Variants in ACSS2 observed in about 807,000 individuals in gnomAD.
ACSS2 encodes acyl-CoA synthetase short chain family member 2, also known as acetyl-coenzyme A synthetase, cytoplasmic.
Under a neutral mutation model 90.6 loss-of-function variants are expected in ACSS2, and 58 were observed. The ratio of observed to expected loss-of-function variants is 0.64; its 90% CI spans 0.52 to 0.80. The LOEUF (loss-of-function observed/expected upper bound fraction) is 0.80. ACSS2 is among the 30% of genes least tolerant of loss of function. The pLI, the probability that ACSS2 is intolerant of heterozygous loss-of-function variation, is 0.00. For missense variants in ACSS2, 759 were observed against 912.0 expected (o/e 0.83, Z 2.16); for synonymous variants, 300 against 330.9 (o/e 0.91, Z 1.01).
chr20:34,920,892 G>T, intron 9 of ACSS2, 114 bp from the exon 10 acceptor site: 2 of 1,532,164 alleles, frequency 1.3e-6, no homozygotes, highest in Admixed American at 3.5e-5. Context: ...TCTGGCCAGG[G>T]AGTGAAGATA....
In ACSS2 at chr20:34,905,172, C is replaced by T. The variant is rs148198011; in HGVS notation, c.375-7924C>T. 7.3e-3 allele frequency among the ~76,000 whole-genome samples: 1,115 copies of T among 152,216 alleles called. 17 individuals carry two copies. The highest frequency in any genetic ancestry group is 0.026 in the African/African-American group (1,076 of 41,528). On this transcript the variant is annotated intron_variant, in intron 2 of 17. Transcript: ENST00000360596. ...TCCTCAAACAGTCCTCCTGCTTTGC[C>T]CTCCCAGAGTGCTGGTATTATGGCA...
chr20:34,900,644 A>G (rs2080634959), intron 2 of ACSS2, among the ~76,000 whole-genome samples: 1 of 152,176 alleles, frequency 6.6e-6, no homozygotes, highest in Non-Finnish European at 1.5e-5. Flanking sequence ...TGATAGGATG[A>G]CAGTTGATTC....
chr20:34,920,778 C>G, intron 9 of ACSS2, 69 bp downstream of exon 9: 1 of 1,544,584 alleles, frequency 6.5e-7, no homozygotes, highest in Non-Finnish European at 8.8e-7. Flanking sequence ...CCTCCCAAGG[C>G]TGCTTGGTCT....
intron 7 of ACSS2, among the ~76,000 whole-genome samples, chr20:34,917,373 A>C (rs1196870164): frequency 6.6e-6 from 1 of 152,212 alleles, no homozygotes; most frequent in Admixed American, 6.5e-5. Flanking sequence ...AACCGTAGGC[A>C]GCTTTCTCTC....
intron 2 of ACSS2, among the ~76,000 whole-genome samples, chr20:34,896,094 T>C (rs1289912458): frequency 1.3e-5 from 2 of 152,100 alleles, no homozygotes; most frequent in Non-Finnish European, 2.9e-5. Context: ...CACAGGATGG[T>C]AGGAACAAGT....
chr20:34,881,017 ATTTTTTTT>A (rs71761863), intron 1 of ACSS2, among the ~76,000 whole-genome samples: 9 of 75,532 alleles, frequency 1.2e-4, no homozygotes, highest in African/African-American at 1.7e-4. Context: ...TTTCCTCCAA[ATTTTTTTT>A]TTTTTTTTTT....
chr20:34,906,155 GA>G (rs2080797292), intron 2 of ACSS2, among the ~76,000 whole-genome samples: 1 of 152,150 alleles, frequency 6.6e-6, no homozygotes, highest in Non-Finnish European at 1.5e-5. Flanking sequence ...CTAACACGGT[GA>G]AACCCCGTCT....
chr20:34,925,206 G>A (rs138159988), intron 14 of ACSS2, among the ~76,000 whole-genome samples: 37 of 152,160 alleles, frequency 2.4e-4, no homozygotes, highest in African/African-American at 8.7e-4. Context: ...TCTCATTCTG[G>A]GTCTCTTGTG....
In ACSS2 at chr20:34,883,001, T is replaced by A; in HGVS notation, c.374+12T>A. The stretch of plus-strand genomic sequence containing the variant: ...GTTGCTTTTTACTGGTAAAAATATC[T>A]ATCTTATACTTGGTGGCAGATAAAA... On this transcript the variant is annotated intron_variant, in intron 2 of 17. Coordinates refer to ENST00000360596, the MANE Select transcript of ACSS2 (RefSeq NM_018677.4). 6.3e-7 allele frequency: 1 copy of A among 1,585,420 alleles called. No individual in the cohort carries two copies. The highest frequency in any genetic ancestry group is 8.6e-7 in the Non-Finnish European group (1 of 1,164,248).
chr20:34,919,809 G>C (rs771724243), intron 8 of ACSS2, among the ~76,000 whole-genome samples: 11 of 152,032 alleles, frequency 7.2e-5, no homozygotes, highest in Non-Finnish European at 1.5e-4. Flanking sequence ...AGCTGACATG[G>C]ATGTTCTTTC....
intron 7 of ACSS2, chr20:34,915,248 C>G (rs1332506674): frequency 1.2e-6 from 2 of 1,613,954 alleles, no homozygotes; most frequent in Admixed American, 1.7e-5. Context: ...CAAGCGTGTT[C>G]AGCCCCAGGT....
At position 34,882,836 on chromosome 20, in the gene ACSS2, C is replaced by T. The variant is rs2146968803; in HGVS notation, c.221C>T (p.Pro74Leu). 6.2e-7 allele frequency: 1 copy of T among 1,613,054 alleles called. No individual in the cohort carries two copies. Among genetic ancestry groups the T allele is most frequent in the Non-Finnish European group, 8.5e-7 (1 of 1,179,720 alleles). ...DIAKEFYWKT[P>L]CPGPFLRYNF... ...GCCAAGGAATTTTACTGGAAGACTC[C>T]ATGCCCTGGCCCATTCCTTCGGTAC... The change falls in exon 2 of 18, where the codon CCA (proline) becomes CTA (leucine). Residue 74 changes from proline (P) to leucine (L), a missense_variant. Transcript: ENST00000360596.
In ACSS2 at chr20:34,926,162, C is replaced by G. The variant is rs762610058; in HGVS notation, c.1784C>G (p.Ala595Gly). The G allele has an allele frequency of 4.5e-5, 73 of 1,614,100 alleles. No homozygotes were observed. The highest frequency in any genetic ancestry group is 1.6e-4 in the Middle Eastern group (1 of 6,084). ...ESALVEHEAV[A>G]EAAVVGHPHP... Reference sequence around the variant, plus strand: ...GCACTTGTGGAACATGAGGCTGTTGCAGAGGCAGCTGTGGTGGGCCACCCT... The same window carrying G: ...GCACTTGTGGAACATGAGGCTGTTGGAGAGGCAGCTGTGGTGGGCCACCCT... The change falls in exon 16 of 18, where the codon GCA (alanine) becomes GGA (glycine). Residue 595 changes from alanine to glycine, a missense_variant. Ala to Gly is a moderately conservative substitution (Grantham distance 60). Coordinates refer to ENST00000360596, the MANE Select transcript of ACSS2 (RefSeq NM_018677.4).
intron 2 of ACSS2, among the ~76,000 whole-genome samples, chr20:34,904,614 A>G (rs947557160): frequency 3.9e-5 from 6 of 152,244 alleles, no homozygotes; most frequent in African/African-American, 1.4e-4. Flanking sequence ...CTAGGATGGT[A>G]GAAATAGATG....
At chr20:34,925,550 C>G in intron 14 of ACSS2, 148 bp from the exon 15 acceptor site, 1 of 732,724 alleles carries the variant, frequency 1.4e-6, no homozygotes, top group Non-Finnish European at 2.2e-6. Flanking sequence ...TCAGTGGTGC[C>G]CTCTTGGAGG....
At chr20:34,909,016 A>G in intron 2 of ACSS2, 1 of 406,580 alleles carries the variant, frequency 2.5e-6, no homozygotes, top group Non-Finnish European at 4.8e-6. Context: ...AGTACATACA[A>G]ATAGTGGAAT....
At chr20:34,925,590 C>T in intron 14 of ACSS2, 108 bp from the exon 15 acceptor site, 2 of 1,226,792 alleles carry the variant, frequency 1.6e-6, no homozygotes, top group South Asian at 2.9e-5. Flanking sequence ...AGAGTGGAAG[C>T]AGGAAGACTT....
At chr20:34,899,475 T>TCC (rs2080588341) in intron 2 of ACSS2, among the ~76,000 whole-genome samples, 5 of 113,580 alleles carry the variant, frequency 4.4e-5, no homozygotes, top group African/African-American at 1.0e-4. Context: ...TCCTTTCTTT[T>TCC]TCTTTCTTTT....
chr20:34,894,613 G>A (rs998577175), intron 2 of ACSS2, among the ~76,000 whole-genome samples: 8 of 152,010 alleles, frequency 5.3e-5, no homozygotes, highest in South Asian at 4.2e-4. Context: ...TGCAGTGAGC[G>A]GTGATCGTGC....
Sources: allele counts gnomAD v4.1 joint callset (sites outside exome capture counted in the v4.1 genomes callset), GRCh38; gene constraint gnomAD v4.1.1; transcripts MANE v1.5; gene names NCBI Gene and HGNC (gene_info 2026-07-23, HGNC 2026-07-21).